CTNND2: variants seen among roughly 807,000 people sequenced by gnomAD.
CTNND2 encodes catenin delta 2.
CTNND2 carries 22 observed loss-of-function variants against 144.4 expected under a neutral mutation model. The ratio of observed to expected loss-of-function variants is 0.15; its 90% confidence interval spans 0.11 to 0.22. The LOEUF (loss-of-function observed/expected upper bound fraction) is 0.22. CTNND2 is among the 10% of genes least tolerant of loss of function. CTNND2 has a pLI of 1.00. For synonymous variants in CTNND2, 751 were observed against 695.6 expected (o/e 1.08, Z -1.25); for missense variants, 1,353 against 1,618.8 (o/e 0.84, Z 2.82).
At chr5:11,007,302 T>C (rs935426492) in intron 18 of CTNND2, among the ~76,000 whole-genome samples, 2 of 152,234 alleles carry the variant, frequency 1.3e-5, no homozygotes, top group Non-Finnish European at 2.9e-5. Context: ...ACCCAATTGC[T>C]GTATACTTTT....
At chr5:10,998,249 G>A (rs1304718342) in intron 18 of CTNND2, among the ~76,000 whole-genome samples, 1 of 152,178 alleles carries the variant, frequency 6.6e-6, no homozygotes, top group Non-Finnish European at 1.5e-5. Context: ...GCGGAGTGTG[G>A]TGGGAGAAAC....
intron 9 of CTNND2, among the ~76,000 whole-genome samples, chr5:11,289,956 A>ATG (rs1360141693): frequency 6.6e-6 from 1 of 152,180 alleles, no homozygotes; most frequent in Non-Finnish European, 1.5e-5. Flanking sequence ...GTGGGGCACT[A>ATG]TGGTTGGTGA....
intron 9 of CTNND2, among the ~76,000 whole-genome samples, chr5:11,258,523 C>G (rs575839136): frequency 1.3e-5 from 2 of 152,192 alleles, no homozygotes; most frequent in Non-Finnish European, 2.9e-5. Flanking sequence ...CAAAGGCAAG[C>G]GAACCTGGTC....
intron 15 of CTNND2, among the ~76,000 whole-genome samples, chr5:11,097,345 C>T (rs895257846): frequency 6.6e-6 from 1 of 152,176 alleles, no homozygotes; most frequent in African/African-American, 2.4e-5. Flanking sequence ...CTTTTCTCTA[C>T]CAATCTCTGG....
chr5:11,199,389 G>A, intron 11 of CTNND2, 59 bp downstream of exon 11: 1 of 1,467,436 alleles, frequency 6.8e-7, no homozygotes, highest in South Asian at 1.2e-5. Context: ...TTGCCTCTGT[G>A]TTGGATAATG....
chr5:11,490,384 T>C (rs1163934087), intron 3 of CTNND2, among the ~76,000 whole-genome samples: 1 of 152,210 alleles, frequency 6.6e-6, no homozygotes, highest in Non-Finnish European at 1.5e-5. Flanking sequence ...GTAGTTTCCA[T>C]AGCTATAATT....
intron 20 of CTNND2, among the ~76,000 whole-genome samples, chr5:10,984,964 C>A (rs1737752478): frequency 6.6e-6 from 1 of 152,080 alleles, no homozygotes; most frequent in Non-Finnish European, 1.5e-5. Context: ...ATCCCAGCTA[C>A]TCGAAACGCT....
chr5:11,128,770 T>C (rs1356808038), intron 12 of CTNND2, among the ~76,000 whole-genome samples: 2 of 40,234 alleles, frequency 5.0e-5, no homozygotes, highest in African/African-American at 1.7e-4. Flanking sequence ...ATATATATAT[T>C]ATATATAAAA....
intron 21 of CTNND2, among the ~76,000 whole-genome samples, chr5:10,979,485 G>A (rs1736943846): frequency 6.6e-6 from 1 of 152,238 alleles, no homozygotes; most frequent in Admixed American, 6.5e-5. Context: ...AACACCATAT[G>A]TTTTCCAGAG....
intron 1 of CTNND2, among the ~76,000 whole-genome samples, chr5:11,843,719 T>C (rs1472655198): frequency 6.6e-6 from 1 of 152,208 alleles, no homozygotes; most frequent in Non-Finnish European, 1.5e-5. Context: ...GTTCACCTTC[T>C]AAATGTGTAT....
intron 1 of CTNND2, among the ~76,000 whole-genome samples, chr5:11,818,580 C>G (rs1261268440): frequency 6.6e-6 from 1 of 152,132 alleles, no homozygotes; most frequent in African/African-American, 2.4e-5. Flanking sequence ...GTTGGTCAGA[C>G]TGGTCTCGAA....
chr5:11,039,135 G>T (rs920840788), intron 16 of CTNND2, among the ~76,000 whole-genome samples: 1 of 152,168 alleles, frequency 6.6e-6, no homozygotes, highest in Non-Finnish European at 1.5e-5. Context: ...TTCTACTGTA[G>T]TCCCAAATAA....
At chr5:11,344,898 C>T (rs2149737348) in intron 9 of CTNND2, among the ~76,000 whole-genome samples, 1 of 152,222 alleles carries the variant, frequency 6.6e-6, no homozygotes, top group African/African-American at 2.4e-5. Context: ...AATACAGAAG[C>T]TATGCTACAG....
intron 9 of CTNND2, among the ~76,000 whole-genome samples, chr5:11,284,030 G>A (rs538437968): frequency 2.0e-5 from 3 of 152,240 alleles, no homozygotes; most frequent in African/African-American, 7.2e-5. Flanking sequence ...ATACTGAGAT[G>A]GTCCCTTTAC....
At chr5:11,240,379 CAT>C (rs1742167381) in intron 9 of CTNND2, among the ~76,000 whole-genome samples, 5 of 30,730 alleles carry the variant, frequency 1.6e-4, no homozygotes, top group Admixed American at 4.6e-4. Context: ...CCAACACACA[CAT>C]ACACTCACAC....
intron 3 of CTNND2, among the ~76,000 whole-genome samples, chr5:11,532,493 CA>C (rs1246363349): frequency 1.1e-4 from 16 of 152,126 alleles, no homozygotes; most frequent in Non-Finnish European, 2.1e-4. Context: ...TCTCAATAAC[CA>C]AAAGGCCATT....
intron 9 of CTNND2, among the ~76,000 whole-genome samples, chr5:11,278,971 G>A (rs886620099): frequency 1.2e-4 from 18 of 152,068 alleles, no homozygotes; most frequent in Non-Finnish European, 2.5e-4. Flanking sequence ...ACTCCCCCAC[G>A]GTGTTCCCAT....
At chr5:11,480,184 C>T (rs1017339956) in intron 3 of CTNND2, among the ~76,000 whole-genome samples, 5 of 152,124 alleles carry the variant, frequency 3.3e-5, no homozygotes, top group Admixed American at 1.3e-4. Context: ...TTGATTTTTG[C>T]GTGTGGTGTA....
intron 2 of CTNND2, among the ~76,000 whole-genome samples, chr5:11,664,386 A>G (rs892220278): frequency 5.3e-5 from 8 of 152,044 alleles, no homozygotes; most frequent in African/African-American, 1.9e-4. Flanking sequence ...AGGTCAGGAG[A>G]TTGAGACCAT....
Sources: gnomAD v4.1 joint callset for allele counts (sites outside exome capture counted in the v4.1 genomes callset) on GRCh38, gnomAD v4.1.1 for gene constraint, MANE v1.5 for transcripts, NCBI Gene and HGNC (gene_info 2026-07-23, HGNC 2026-07-21) for gene names.